The following MARCHF1 variants were observed in gnomAD, a reference collection of about 807,000 sequenced individuals.
MARCHF1 encodes the protein E3 ubiquitin-protein ligase MARCHF1.
Under a neutral mutation model 54.2 loss-of-function variants are expected in MARCHF1, and 40 were observed. The ratio of observed to expected loss-of-function variants is 0.74; its 90% confidence interval spans 0.57 to 0.96. The LOEUF (loss-of-function observed/expected upper bound fraction) is 0.96. MARCHF1 is among the 40% of genes least tolerant of loss of function. MARCHF1 has a pLI of 0.00. For missense variants in MARCHF1, 586 were observed against 656.5 expected (o/e 0.89, Z 1.17); for synonymous variants, 236 against 236.3 (o/e 1.00, Z 0.01).
At chr4:164,142,586 C>T (rs1251198456) in intron 1 of MARCHF1, among the ~76,000 whole-genome samples, 19 of 152,254 alleles carry the variant, frequency 1.2e-4, no homozygotes, top group African/African-American at 4.1e-4. Context: ...CAGCCAGGTA[C>T]TCCAACAGAC....
chr4:164,188,659 C>T (rs1731041703), intron 1 of MARCHF1: 5 of 1,091,478 alleles, frequency 4.6e-6, no homozygotes, highest in Admixed American at 3.4e-5. Flanking sequence ...CGGTCTTTGA[C>T]GCCAAGTGGC....
chr4:163,940,487 G>A (rs1432293184), intron 3 of MARCHF1, among the ~76,000 whole-genome samples: 2 of 152,010 alleles, frequency 1.3e-5, no homozygotes, highest in African/African-American at 4.8e-5. Context: ...CATGAATACT[G>A]TAATAGATTG....
intron 1 of MARCHF1, among the ~76,000 whole-genome samples, chr4:164,145,751 A>G (rs199838174): frequency 0.17 from 24,098 of 140,020 alleles, 3,172 homozygotes; most frequent in African/African-American, 0.38. Flanking sequence ...ATTCCCTTTG[A>G]AAACTGGCAC....
At chr4:163,678,487 T>A (rs988989994) in intron 5 of MARCHF1, among the ~76,000 whole-genome samples, 2 of 152,202 alleles carry the variant, frequency 1.3e-5, no homozygotes, top group African/African-American at 4.8e-5. Context: ...TGTAATTTTA[T>A]AAGGAAGTTC....
intron 2 of MARCHF1, among the ~76,000 whole-genome samples, chr4:164,054,205 C>T (rs1225863064): frequency 9.9e-5 from 15 of 151,692 alleles, no homozygotes; most frequent in Non-Finnish European, 1.9e-4. Context: ...CAGAGAAATG[C>T]AAATCAAAAC....
intron 4 of MARCHF1, among the ~76,000 whole-genome samples, chr4:163,743,096 C>A (rs1746255980): frequency 6.6e-6 from 1 of 152,082 alleles, no homozygotes; most frequent in East Asian, 1.9e-4. Context: ...TTGCTTTAAA[C>A]AATATCCTTG....
At chr4:163,724,587 G>A (rs1745592221) in intron 4 of MARCHF1, among the ~76,000 whole-genome samples, 1 of 152,176 alleles carries the variant, frequency 6.6e-6, no homozygotes. Context: ...CTTTTGTTTG[G>A]CTATGCCCTG....
intron 2 of MARCHF1, among the ~76,000 whole-genome samples, chr4:163,993,806 T>C (rs1477812838): frequency 6.6e-6 from 1 of 152,134 alleles, no homozygotes; most frequent in Non-Finnish European, 1.5e-5. Context: ...GGGTAACATG[T>C]TAGAAGTAAT....
chr4:163,914,179 C>T (rs950921413), intron 3 of MARCHF1, among the ~76,000 whole-genome samples: 4 of 152,054 alleles, frequency 2.6e-5, no homozygotes, highest in African/African-American at 7.2e-5. Flanking sequence ...ACACTTCAAG[C>T]TCATGCCAAA....
intron 1 of MARCHF1, among the ~76,000 whole-genome samples, chr4:164,193,059 A>T (rs1731162733): frequency 6.6e-6 from 1 of 152,092 alleles, no homozygotes; most frequent in African/African-American, 2.4e-5. Context: ...AACTCTGCTT[A>T]TTTTTAGGAA....
rs77875975 is a variant in MARCHF1 at position 163,610,690 on chromosome 4, G to T, written c.1010+1581C>A. ...ACATACATATAGATCATAATTAAAA[G>T]ATTATAAGAAATTTACATTTATAGG... On this transcript the variant is annotated intron_variant, in intron 7 of 9. Coordinates refer to ENST00000514618, the MANE Select transcript of MARCHF1 (RefSeq NM_001394959.1). 5.8e-3 allele frequency among the ~76,000 whole-genome samples: 883 copies of T among 152,172 alleles called. 6 individuals carry two copies. The highest frequency in any genetic ancestry group is 0.036 in the South Asian group (175 of 4,816).
At chr4:164,080,712 A>T (rs138741737) in intron 2 of MARCHF1, among the ~76,000 whole-genome samples, 2,012 of 151,930 alleles carry the variant, frequency 0.013, 30 homozygotes, top group African/African-American at 0.043. Flanking sequence ...ATCATTGCAA[A>T]AAATTCACTG....
intron 3 of MARCHF1, among the ~76,000 whole-genome samples, chr4:163,984,977 G>T (rs1752833748): frequency 6.6e-6 from 1 of 152,136 alleles, no homozygotes; most frequent in Non-Finnish European, 1.5e-5. Flanking sequence ...TTCCCAAGGT[G>T]TAGGTGAACC....
At chr4:163,939,144 ATGACTTAC>A (rs1280032856) in intron 3 of MARCHF1, among the ~76,000 whole-genome samples, 1 of 152,182 alleles carries the variant, frequency 6.6e-6, no homozygotes, top group Non-Finnish European at 1.5e-5. Flanking sequence ...CTGGCTAAAG[ATGACTTAC>A]AATAAATAGA....
At chr4:163,796,380 C>T (rs1189523311) in intron 4 of MARCHF1, among the ~76,000 whole-genome samples, 1 of 151,904 alleles carries the variant, frequency 6.6e-6, no homozygotes, top group Non-Finnish European at 1.5e-5. Flanking sequence ...GTGTATGCCA[C>T]CATGCTCGGC....
intron 8 of MARCHF1, among the ~76,000 whole-genome samples, chr4:163,561,519 C>T (rs1739467031): frequency 6.6e-6 from 1 of 152,112 alleles, no homozygotes; most frequent in Admixed American, 6.5e-5. Context: ...ACATCTATCA[C>T]ACAAATATAT....
At chr4:163,881,483 A>C (rs1750414802) in intron 3 of MARCHF1, among the ~76,000 whole-genome samples, 1 of 152,196 alleles carries the variant, frequency 6.6e-6, no homozygotes. Context: ...AAAGAAAAAA[A>C]AAAATTATCC....
intron 1 of MARCHF1, among the ~76,000 whole-genome samples, chr4:164,327,083 A>G (rs1406398177): frequency 6.6e-6 from 1 of 151,988 alleles, no homozygotes; most frequent in African/African-American, 2.4e-5. Context: ...TCAGCAAAAT[A>G]TATTTATTGA....
Position 164,209,030 on chromosome 4 carries a change from A to C in MARCHF1, c.-322-97368T>G, listed in dbSNP as rs188350971. On this transcript the variant is annotated intron_variant, in intron 1 of 9. Transcript: ENST00000514618. ...ATACACACATACATATTTATTATAT[A>C]TATTATATATAAAATGTTTGTGTGT... Among the ~76,000 whole-genome samples, 472 of 149,902 alleles carry C rather than the reference A, an allele frequency of 3.1e-3. 4 individuals are homozygous for C. Among genetic ancestry groups the C allele is most frequent in the African/African-American group, 0.011 (455 of 41,108 alleles).
Sources: gnomAD v4.1 joint callset for allele counts (sites outside exome capture counted in the v4.1 genomes callset) on GRCh38, gnomAD v4.1.1 for gene constraint, MANE v1.5 for transcripts, NCBI Gene and HGNC (gene_info 2026-07-23, HGNC 2026-07-21) for gene names.